Variants in NFIB observed in about 807,000 individuals in gnomAD.
NFIB encodes nuclear factor I B, also known as nuclear factor 1 B-type.
NFIB carries 11 observed loss-of-function variants against 61.5 expected under a neutral mutation model. That is an observed-to-expected ratio of 0.18 (90% CI 0.11 to 0.30). NFIB has a LOEUF of 0.30. NFIB is among the 10% of genes least tolerant of loss of function. NFIB has a pLI of 1.00. For synonymous variants in NFIB, 260 were observed against 216.5 expected, an observed-to-expected ratio of 1.20 and a Z score of -1.76; for missense variants, 471 against 608.9, an observed-to-expected ratio of 0.77 and a Z score of 2.38.
intron 1 of NFIB, among the ~76,000 whole-genome samples, chr9:14,355,951 C>T (rs888140307): frequency 2.0e-5 from 3 of 150,774 alleles, no homozygotes; most frequent in Non-Finnish European, 4.4e-5. Flanking sequence ...AGCGAGACTC[C>T]GCCTCAAACA....
the NFIB span, among the ~76,000 whole-genome samples, chr9:14,508,630 A>G: frequency 6.3e-3 from 959 of 152,336 alleles, 10 homozygotes; most frequent in African/African-American, 0.021. Context: ...AAATGAAGCA[A>G]ACACTCAAGC....
rs1415894567 is a variant in NFIB, at chr9:14,313,703, G to A, written c.-192C>T. The A allele has an allele frequency of 1.4e-6, 2 of 1,425,738 alleles. No homozygotes were observed. The highest frequency in any genetic ancestry group is 1.8e-6 in the Non-Finnish European group (2 of 1,090,810). The allele number at this position is 1,425,738 out of a possible 1,614,324, so 88.3% of individuals were successfully genotyped here. On this transcript the variant is annotated 5_prime_UTR_variant, in exon 1 of 11. Transcript: ENST00000380953. The surrounding 1 kb of genome is among the most constrained non-coding windows in gnomAD (Gnocchi z 4.5). ...ATAGCCAAAGATTCAAGTTCACTCG[G>A]CGTGCTAGATTTCCAGGGGTGAAAT...
chr9:14,431,362 A>G, the NFIB span, among the ~76,000 whole-genome samples: 1 of 150,124 alleles, frequency 6.7e-6, no homozygotes, highest in Non-Finnish European at 1.5e-5. Context: ...CACATTTTTT[A>G]AAAAAAAACT....
At chr9:14,089,825 T>A (rs977042287) in intron 10 of NFIB, among the ~76,000 whole-genome samples, 7 of 152,184 alleles carry the variant, frequency 4.6e-5, no homozygotes, top group African/African-American at 1.7e-4. Context: ...GAATTTTTTT[T>A]AAAACTTGAT....
the NFIB span, among the ~76,000 whole-genome samples, chr9:14,518,234 A>T: frequency 6.6e-6 from 1 of 152,172 alleles, no homozygotes. Context: ...CGACTTCTCA[A>T]TCTATGGCCA....
chr9:14,435,284 A>G, the NFIB span, among the ~76,000 whole-genome samples: 8 of 152,222 alleles, frequency 5.3e-5, no homozygotes, highest in African/African-American at 1.7e-4. Context: ...CCTAAAATAT[A>G]ATCATTCATG....
At chr9:14,477,781 A>G in the NFIB span, among the ~76,000 whole-genome samples, 8 of 152,204 alleles carry the variant, frequency 5.3e-5, no homozygotes, top group African/African-American at 1.9e-4. Context: ...TATAGATTGG[A>G]TTAAGGTTTT....
the NFIB span, among the ~76,000 whole-genome samples, chr9:14,510,175 C>T: frequency 2.0e-5 from 3 of 152,182 alleles, no homozygotes; most frequent in African/African-American, 7.2e-5. Flanking sequence ...GGATTACAGG[C>T]GTGAGCCACC....
intron 1 of NFIB, among the ~76,000 whole-genome samples, chr9:14,358,566 T>G (rs1312622305): frequency 6.6e-6 from 1 of 152,222 alleles, no homozygotes; most frequent in Non-Finnish European, 1.5e-5. Context: ...ACAATGACAC[T>G]GAGGACTGAG....
At chr9:14,279,023 A>G (rs533160019) in intron 2 of NFIB, among the ~76,000 whole-genome samples, 2 of 152,272 alleles carry the variant, frequency 1.3e-5, no homozygotes, top group East Asian at 3.9e-4. Flanking sequence ...GGAATTTTTC[A>G]TTTTAGTGAG....
At chr9:14,314,149 T>A (rs2060428160), upstream of NFIB, 1 of 744,076 alleles carries the variant, frequency 1.3e-6, no homozygotes, top group East Asian at 2.0e-4. Context: ...TGCGCGCGGG[T>A]GGCGGGGCGC....
intron 2 of NFIB, among the ~76,000 whole-genome samples, chr9:14,252,687 T>C (rs1413642721): frequency 6.6e-6 from 1 of 152,156 alleles, no homozygotes; most frequent in African/African-American, 2.4e-5. Flanking sequence ...CTTATTAATA[T>C]TACCTTGGGG....
the NFIB span, among the ~76,000 whole-genome samples, chr9:14,518,996 A>C: frequency 2.0e-5 from 3 of 152,132 alleles, no homozygotes; most frequent in Non-Finnish European, 2.9e-5. Flanking sequence ...CGCCTGGTAC[A>C]CTGTGGGTGA....
At chr9:14,454,726 T>C in the NFIB span, among the ~76,000 whole-genome samples, 1 of 152,254 alleles carries the variant, frequency 6.6e-6, no homozygotes, top group Admixed American at 6.5e-5. Context: ...TCTGTACCTT[T>C]CACTGCAGAA....
chr9:14,222,391 G>A (rs1408777735), intron 2 of NFIB, among the ~76,000 whole-genome samples: 7 of 152,110 alleles, frequency 4.6e-5, no homozygotes, highest in Non-Finnish European at 7.3e-5. Context: ...CTGGATTCCA[G>A]GCTCAGGTTA....
the NFIB span, among the ~76,000 whole-genome samples, chr9:14,480,841 C>T: frequency 1.3e-5 from 2 of 152,142 alleles, no homozygotes; most frequent in Admixed American, 1.3e-4. Context: ...ACCATATCCT[C>T]TTCCTGTAGT....
At chr9:14,389,740 A>G (rs2061597302) in intron 1 of NFIB, among the ~76,000 whole-genome samples, 3 of 142,400 alleles carry the variant, frequency 2.1e-5, no homozygotes, top group Admixed American at 1.4e-4. Flanking sequence ...GGCCTTTCCC[A>G]GCATTTCCAC....
intron 3 of NFIB, among the ~76,000 whole-genome samples, chr9:14,159,258 C>G (rs1158746684): frequency 1.3e-5 from 2 of 152,168 alleles, no homozygotes; most frequent in African/African-American, 2.4e-5. Flanking sequence ...ACTCCCCACC[C>G]CCAACTTCCC....
At chr9:14,315,435 T>C (rs1212900460), upstream of NFIB, among the ~76,000 whole-genome samples, 2 of 148,840 alleles carry the variant, frequency 1.3e-5, no homozygotes, top group Non-Finnish European at 3.0e-5. Flanking sequence ...GCAGCCCCGC[T>C]GGCTGGCTCC....
Sources: allele counts gnomAD v4.1 joint callset (sites outside exome capture counted in the v4.1 genomes callset), GRCh38; gene constraint gnomAD v4.1.1; non-coding constraint Gnocchi (gnomAD v3.1); transcripts MANE v1.5; gene names NCBI Gene and HGNC (gene_info 2026-07-23, HGNC 2026-07-21).